Variants in FERMT2 observed in about 807,000 individuals in gnomAD.
The protein encoded by FERMT2 is fermitin family homolog 2.
In FERMT2, 15 loss-of-function variants were observed where a neutral mutation model predicts 82.7. The ratio of observed to expected loss-of-function variants is 0.18; its 90% confidence interval spans 0.12 to 0.28. The LOEUF is 0.28. Ranked by LOEUF, FERMT2 falls within the 10% of genes least tolerant of loss-of-function variation. The pLI is 1.00. For synonymous variants in FERMT2, 274 were observed against 271.5 expected (o/e 1.01, Z -0.09); for missense variants, 645 against 809.4 (o/e 0.80, Z 2.46).
rs1884679034 is a variant in FERMT2, at chr14:52,858,118, G to T, written c.*259C>A. 2 of 425,250 alleles carry T rather than the reference G, an allele frequency of 4.7e-6. No homozygotes were observed. The allele number at this position is 425,250 out of a possible 1,614,324, so 26.3% of individuals were successfully genotyped here. A position where few individuals can be genotyped will look rare whatever the true frequency, so the allele number is the denominator to read the frequency against. On this transcript the variant is annotated 3_prime_UTR_variant, in exon 15 of 15. Transcript: ENST00000341590. ...TAAATCAGTAAATCAGTGATGGTTTGTTCCTGATTTGCCCACTATTTCAGT... is the reference window on the plus strand; with the variant it reads ...TAAATCAGTAAATCAGTGATGGTTTTTTCCTGATTTGCCCACTATTTCAGT...
At chr14:52,904,353 C>T (rs766936308) in intron 3 of FERMT2, among the ~76,000 whole-genome samples, 32 of 152,204 alleles carry the variant, frequency 2.1e-4, no homozygotes, top group Non-Finnish European at 4.1e-4. Flanking sequence ...CACGCCTCCA[C>T]TAAAAATTAA....
chr14:52,932,946 C>T (rs1304591871), intron 2 of FERMT2, among the ~76,000 whole-genome samples: 1 of 152,126 alleles, frequency 6.6e-6, no homozygotes, highest in Non-Finnish European at 1.5e-5. Context: ...CCAACATATA[C>T]TTTTGAACTC....
At chr14:52,877,449 C>G (rs888645770) in intron 7 of FERMT2, among the ~76,000 whole-genome samples, 7 of 151,956 alleles carry the variant, frequency 4.6e-5, no homozygotes, top group African/African-American at 1.7e-4. Flanking sequence ...CTAACTGGCT[C>G]ATTAATCAAG....
At chr14:52,881,184 C>T (rs1886273931) in intron 5 of FERMT2, 46 bp from the exon 6 acceptor site, 1 of 1,591,502 alleles carries the variant, frequency 6.3e-7, no homozygotes, top group African/African-American at 1.3e-5. Flanking sequence ...AGAATGAAGA[C>T]AATATTTCTA....
intron 2 of FERMT2, chr14:52,948,534 A>G (rs909399523): frequency 2.2e-6 from 1 of 453,436 alleles, no homozygotes; most frequent in African/African-American, 2.0e-5. Context: ...AAAAGATGTA[A>G]GGTTTCCATA....
At position 52,945,710 on chromosome 14, in the gene FERMT2, A is replaced by G. The variant is rs189027041; in HGVS notation, c.157+4702T>C. Among the ~76,000 whole-genome samples the G allele has an allele frequency of 3.3e-5, 5 of 152,316 alleles. No homozygotes were observed. In the East Asian group the frequency reaches 9.6e-4, roughly 29 times the overall value. ...AGAATCAGAGCTAGAGGAAACTTAGAGATCACCTATTTTTTCCTCTCTGCT... is the reference window on the plus strand; with the variant it reads ...AGAATCAGAGCTAGAGGAAACTTAGGGATCACCTATTTTTTCCTCTCTGCT... On this transcript the variant is annotated intron_variant, in intron 2 of 14. Coordinates refer to ENST00000341590, the MANE Select transcript of FERMT2 (RefSeq NM_006832.3).
intron 4 of FERMT2, 67 bp from the exon 5 acceptor site, chr14:52,881,536 CAT>C: frequency 1.7e-6 from 2 of 1,153,880 alleles, no homozygotes; most frequent in Non-Finnish European, 2.5e-6. Context: ...AATAATAACA[CAT>C]ATTATGATAT....
chr14:52,888,918 T>C (rs2139526809), intron 4 of FERMT2, among the ~76,000 whole-genome samples: 1 of 152,342 alleles, frequency 6.6e-6, no homozygotes, highest in South Asian at 2.1e-4. Context: ...AGCTAGGTTG[T>C]GGCATCTCTG....
At chr14:52,905,664 G>A (rs958030001) in intron 3 of FERMT2, among the ~76,000 whole-genome samples, 1 of 152,144 alleles carries the variant, frequency 6.6e-6, no homozygotes, top group Non-Finnish European at 1.5e-5. Flanking sequence ...CAATGCTAAG[G>A]ATTTCTCCCG....
At chr14:52,888,038 A>G (rs1225490255) in intron 4 of FERMT2, among the ~76,000 whole-genome samples, 1 of 152,158 alleles carries the variant, frequency 6.6e-6, no homozygotes, top group African/African-American at 2.4e-5. Flanking sequence ...TTGACCATGG[A>G]GGAGGAAAAA....
intron 3 of FERMT2, among the ~76,000 whole-genome samples, chr14:52,912,677 T>G (rs1289632187): frequency 6.6e-6 from 1 of 151,840 alleles, no homozygotes; most frequent in Non-Finnish European, 1.5e-5. Flanking sequence ...GCCCGGCTAC[T>G]TTTTGTATTT....
intron 10 of FERMT2, among the ~76,000 whole-genome samples, chr14:52,871,168 T>C (rs1202193801): frequency 1.3e-5 from 2 of 152,216 alleles, no homozygotes; most frequent in Non-Finnish European, 2.9e-5. Flanking sequence ...TCTGTGTCTC[T>C]AACCCCTTAG....
intron 4 of FERMT2, among the ~76,000 whole-genome samples, chr14:52,886,291 GAC>G (rs1437805066): frequency 4.3e-4 from 35 of 82,216 alleles, no homozygotes; most frequent in East Asian, 3.4e-3. Flanking sequence ...GAGAGAGAGA[GAC>G]AGACAGAGTG....
At chr14:52,864,061 G>C (rs1885117139) in intron 12 of FERMT2, among the ~76,000 whole-genome samples, 1 of 151,848 alleles carries the variant, frequency 6.6e-6, no homozygotes, top group South Asian at 2.1e-4. Flanking sequence ...TCTACAGATT[G>C]AGTATCCATT....
At chr14:52,924,512 A>C (rs1404285357) in intron 2 of FERMT2, among the ~76,000 whole-genome samples, 1 of 152,182 alleles carries the variant, frequency 6.6e-6, no homozygotes, top group Non-Finnish European at 1.5e-5. Context: ...AAATGGTTTT[A>C]AGCAGTAGTC....
At chr14:52,945,995 G>A (rs556571240) in intron 2 of FERMT2, among the ~76,000 whole-genome samples, 6 of 152,244 alleles carry the variant, frequency 3.9e-5, no homozygotes, top group Admixed American at 6.5e-5. Context: ...TCCTGTCTCA[G>A]CCTCCCGAGT....
chr14:52,922,494 A>C (rs566618303), intron 2 of FERMT2, among the ~76,000 whole-genome samples: 160 of 145,408 alleles, frequency 1.1e-3, no homozygotes, highest in African/African-American at 3.4e-3. Flanking sequence ...AAAAAAAAAA[A>C]CAGCTGTTTT....
chr14:52,860,016 A>G (rs1322363713), intron 13 of FERMT2: 1 of 267,536 alleles, frequency 3.7e-6, no homozygotes, highest in African/African-American at 2.2e-5. Flanking sequence ...ACAGGGTTTC[A>G]CCGTGTTAGC....
chr14:52,919,683 A>C (rs1888837971), intron 2 of FERMT2, among the ~76,000 whole-genome samples: 1 of 152,190 alleles, frequency 6.6e-6, no homozygotes, highest in Non-Finnish European at 1.5e-5. Context: ...AGGATTAATA[A>C]AGACAAGGAG....
Sources: gnomAD v4.1 joint callset for allele counts (sites outside exome capture counted in the v4.1 genomes callset) on GRCh38, gnomAD v4.1.1 for gene constraint, MANE v1.5 for transcripts, NCBI Gene and HGNC (gene_info 2026-07-23, HGNC 2026-07-21) for gene names.